The following OLFM2 variants were observed in gnomAD, a reference collection of about 807,000 sequenced individuals.
OLFM2 encodes olfactomedin 2, also known as noelin-2.
In OLFM2, 20 loss-of-function variants were observed where a neutral mutation model predicts 43.9. That is an observed-to-expected ratio of 0.46 (90% CI 0.32 to 0.66). The LOEUF (loss-of-function observed/expected upper bound fraction) is 0.66, where lower values mean the gene tolerates loss of function less well. Ranked by LOEUF, OLFM2 falls within the 30% of genes least tolerant of loss-of-function variation. OLFM2 has a pLI of 0.04. For missense variants in OLFM2, 416 were observed against 643.6 expected, an observed-to-expected ratio of 0.65 and a Z score of 3.83; for synonymous variants, 268 against 278.6, an observed-to-expected ratio of 0.96 and a Z score of 0.38.
At chr19:9,881,125 G>A (rs1054374158) in intron 1 of OLFM2, among the ~76,000 whole-genome samples, 14 of 152,266 alleles carry the variant, frequency 9.2e-5, no homozygotes, top group South Asian at 2.1e-4. Context: ...TCAAACTCCT[G>A]ACCTCAAGTG....
rs568731435 is a variant in OLFM2, at chr19:9,867,106, C to A, written c.64-6312G>T. 5.1e-4 allele frequency among the ~76,000 whole-genome samples: 78 copies of A among 152,266 alleles called. 2 individuals are homozygous for A. Among genetic ancestry groups the A allele is most frequent in the Non-Finnish European group, 8.5e-4 (58 of 68,030 alleles). On this transcript the variant is annotated intron_variant, in intron 1 of 5. Transcript: ENST00000264833. Reference sequence around the variant, plus strand: ...TTCCTGGTGGCCAGGCATGGTGGCTCACGCCTGTAATCCCAGCACTTTGGG... The same window carrying A: ...TTCCTGGTGGCCAGGCATGGTGGCTAACGCCTGTAATCCCAGCACTTTGGG...
At position 9,854,815 on chromosome 19, in the gene OLFM2, G is replaced by A. The variant is rs867313262; in HGVS notation, c.736C>T (p.Arg246Cys). 32 of 1,606,124 alleles carry A rather than the reference G, an allele frequency of 2.0e-5. No individual in the cohort carries two copies. Among genetic ancestry groups the A allele is most frequent in the Non-Finnish European group, 2.6e-5 (30 of 1,174,494 alleles). ...CCTTTGATGAAGTCTCCCAGGGTAC[G>A]GAACTCCAGGACCCGGCGGCCTTTG... ...YYKGRRVLEF[R>C]TLGDFIKGQN... Residue 246 changes from arginine to cysteine, a missense_variant, in exon 6 of 6, where the codon CGT (arginine) becomes TGT (cysteine). Coordinates refer to ENST00000264833, the MANE Select transcript of OLFM2 (RefSeq NM_058164.4). This position sits in a 1 kb window ranked among gnomAD's most constrained non-coding sequence, Gnocchi z 9.5.
At chr19:9,918,524 T>C (rs564657513) in intron 1 of OLFM2, among the ~76,000 whole-genome samples, 2 of 152,194 alleles carry the variant, frequency 1.3e-5, no homozygotes, top group African/African-American at 4.8e-5. Context: ...AGCAATTCCA[T>C]CTACCCAAGA....
chr19:9,889,065 C>CA (rs35972487), intron 1 of OLFM2, among the ~76,000 whole-genome samples: 17,298 of 120,794 alleles, frequency 0.14, 1,172 homozygotes, highest in African/African-American at 0.22. Context: ...GACTCCGTCT[C>CA]AAAAAAAAAA....
At chr19:9,865,013 T>C (rs889693075) in intron 1 of OLFM2, among the ~76,000 whole-genome samples, 2 of 151,896 alleles carry the variant, frequency 1.3e-5, no homozygotes, top group Non-Finnish European at 2.9e-5. Context: ...CTGGGGTATC[T>C]TAGGTGGATA....
rs139610740 is a variant in OLFM2, at chr19:9,857,645, T to C, written c.360+70A>G. 261 of 1,605,252 alleles carry C rather than the reference T, an allele frequency of 1.6e-4. 1 individual carries two copies. The African/African-American group carries it at 2.8e-3, about 17-fold the overall frequency. Reference sequence around the variant, plus strand: ...TAGATTCTTCCCAGACATGACTCCATTGTAGGAACTAATGGATACCAAATC... The same window carrying C: ...TAGATTCTTCCCAGACATGACTCCACTGTAGGAACTAATGGATACCAAATC... On this transcript the variant is annotated intron_variant, in intron 3 of 5. Transcript: ENST00000264833. The surrounding 1 kb of genome is among the most constrained non-coding windows in gnomAD (Gnocchi z 5.7).
chr19:9,871,327 C>A (rs1312768968), intron 1 of OLFM2, among the ~76,000 whole-genome samples: 2 of 151,056 alleles, frequency 1.3e-5, no homozygotes, highest in African/African-American at 4.9e-5. Flanking sequence ...AACCCCAGCA[C>A]TTCGGGAGGC....
intron 1 of OLFM2, among the ~76,000 whole-genome samples, chr19:9,868,172 C>T (rs1031569667): frequency 1.2e-4 from 18 of 152,034 alleles, no homozygotes; most frequent in African/African-American, 4.3e-4. Context: ...AAGTGATTCT[C>T]CTGCCTCAGT....
At chr19:9,913,655 CGTCCCTTCTCTGGCCCGCCGCGG>C in intron 1 of OLFM2, 12 of 1,189,808 alleles carry the variant, frequency 1.0e-5, no homozygotes, top group Non-Finnish European at 1.3e-5. Context: ...GCCCGCCGCG[CGTCCCTTCTCTGGCCCGCCGCGG>C]GGCGCTCGGT....
chr19:9,859,722 G>A (rs919714713), intron 2 of OLFM2, among the ~76,000 whole-genome samples: 2 of 152,212 alleles, frequency 1.3e-5, no homozygotes, highest in Admixed American at 6.5e-5. Context: ...CTGGTGAACT[G>A]CAAAGCTGGG....
At chr19:9,881,682 G>GC (rs2046541028) in intron 1 of OLFM2, among the ~76,000 whole-genome samples, 1 of 19,542 alleles carries the variant, frequency 5.1e-5, no homozygotes, top group Non-Finnish European at 2.2e-3. Context: ...TTTTTTTACA[G>GC]TTGGGGGGTC....
At chr19:9,869,500 G>T (rs1407566345) in intron 1 of OLFM2, among the ~76,000 whole-genome samples, 2 of 152,206 alleles carry the variant, frequency 1.3e-5, no homozygotes, top group African/African-American at 4.8e-5. Context: ...CAATGGACAT[G>T]ATGACTACCT....
At chr19:9,873,456 C>T (rs1461232689) in intron 1 of OLFM2, among the ~76,000 whole-genome samples, 5 of 151,890 alleles carry the variant, frequency 3.3e-5, no homozygotes, top group Non-Finnish European at 2.9e-5. Context: ...ACCTGGCCAA[C>T]ATTTTTGGTT....
At chr19:9,883,938 G>A (rs1676932058) in intron 1 of OLFM2, among the ~76,000 whole-genome samples, 1 of 152,136 alleles carries the variant, frequency 6.6e-6, no homozygotes, top group Admixed American at 6.6e-5. Flanking sequence ...CAGTCACGGA[G>A]GTTGAACGAA....
rs760994762 is a variant in OLFM2, at chr19:9,856,821, T to C, written c.673A>G (p.Ser225Gly). 5.0e-6 allele frequency: 8 copies of C among 1,613,342 alleles called. No homozygotes were observed. The highest frequency in any genetic ancestry group is 1.7e-4 in the Middle Eastern group (1 of 5,924). ...GSWMTDTMAP[S>G]ADSRVWYMDG... ...CAGTCACTCACCCGGCTATCCGCAC[T>C]GGGGGCCATCGTGTCAGTCATCCAG... The change falls in exon 5 of 6, where the codon AGT (serine) becomes GGT (glycine). Residue 225 changes from serine (S) to glycine (G), a missense_variant. Transcript: ENST00000264833. The surrounding 1 kb of genome is among the most constrained non-coding windows in gnomAD (Gnocchi z 4.0).
At chr19:9,915,337 A>G (rs1054530832) in intron 1 of OLFM2, among the ~76,000 whole-genome samples, 8 of 148,902 alleles carry the variant, frequency 5.4e-5, no homozygotes, top group East Asian at 2.0e-4. Flanking sequence ...TTGGCCTCCC[A>G]AAGTGTTGGC....
intron 1 of OLFM2, among the ~76,000 whole-genome samples, chr19:9,926,145 A>G (rs1044430493): frequency 6.7e-6 from 1 of 149,480 alleles, no homozygotes; most frequent in African/African-American, 2.6e-5. Flanking sequence ...TGTAACATTA[A>G]GACTTTTTTT....
intron 1 of OLFM2, among the ~76,000 whole-genome samples, chr19:9,885,202 C>T (rs2046575911): frequency 1.3e-5 from 2 of 152,196 alleles, no homozygotes; most frequent in African/African-American, 4.8e-5. Flanking sequence ...TAGTGCCTTA[C>T]TGTTGAGTGA....
chr19:9,894,673 C>A (rs1255277488), intron 1 of OLFM2, among the ~76,000 whole-genome samples: 1 of 152,040 alleles, frequency 6.6e-6, no homozygotes, highest in Non-Finnish European at 1.5e-5. Context: ...TGCACCATTG[C>A]ACTCCAGCCT....
Sources: gnomAD v4.1 joint callset for allele counts (sites outside exome capture counted in the v4.1 genomes callset) on GRCh38, gnomAD v4.1.1 for gene constraint, Gnocchi (gnomAD v3.1) non-coding constraint, MANE v1.5 for transcripts, NCBI Gene and HGNC (gene_info 2026-07-23, HGNC 2026-07-21) for gene names.